MIPEP: variants seen among roughly 807,000 people sequenced by gnomAD.
MIPEP encodes the protein mitochondrial intermediate peptidase.
Under a neutral mutation model 90.3 loss-of-function variants are expected in MIPEP, and 79 were observed. That is an observed-to-expected ratio of 0.87 (90% CI 0.73 to 1.05). MIPEP has a LOEUF of 1.05. Ranked by LOEUF, MIPEP falls within the 50% of genes least tolerant of loss-of-function variation. The pLI is 0.00. For missense variants in MIPEP, 940 were observed against 905.6 expected (o/e 1.04, Z -0.49); for synonymous variants, 334 against 315.8 (o/e 1.06, Z -0.61).
In MIPEP at chr13:23,806,052, C is replaced by A. The variant is rs1489643117; in HGVS notation, c.1746G>T (p.Leu582=). 9 of 1,613,814 alleles carry A rather than the reference C, an allele frequency of 5.6e-6. No homozygotes were observed. The highest frequency in any genetic ancestry group is 6.8e-6 in the Non-Finnish European group (8 of 1,179,956). Residue 582 remains leucine (L), a synonymous_variant, in exon 16 of 19, where the codon CTG becomes CTT. Coordinates refer to ENST00000382172, the MANE Select transcript of MIPEP (RefSeq NM_005932.4). ...DMQLQVFYAT[L]DQIYHGKHPL... is the part of the protein sequence containing the mutation. ...GATGCTTCCCATGGTAGATTTGATCCAGAGTGGCATAAAAGACCTAGATAG... is the reference window on the plus strand; with the variant it reads ...GATGCTTCCCATGGTAGATTTGATCAAGAGTGGCATAAAAGACCTAGATAG...
intron 18 of MIPEP, among the ~76,000 whole-genome samples, chr13:23,732,851 T>A (rs548584605): frequency 6.6e-6 from 1 of 152,344 alleles, no homozygotes; most frequent in East Asian, 1.9e-4. Flanking sequence ...GTTATAAAGG[T>A]GTGTACATGC....
In MIPEP at chr13:23,760,232, G is replaced by A; in HGVS notation, c.1849-15C>T. 6.2e-7 allele frequency: 1 copy of A among 1,613,844 alleles called. No homozygotes were observed. The highest frequency in any genetic ancestry group is 8.5e-7 in the Non-Finnish European group (1 of 1,179,892). On this transcript the variant is annotated splice_polypyrimidine_tract_variant and intron_variant, in intron 16 of 18. Transcript: ENST00000382172. Reference sequence around the variant, plus strand: ...AGCTGCCAGGCCTGCCAAGAACAGAGAGACACAGCACGGGACACAAGTCAG... The same window carrying A: ...AGCTGCCAGGCCTGCCAAGAACAGAAAGACACAGCACGGGACACAAGTCAG...
In MIPEP at chr13:23,837,716, T is replaced by G; in HGVS notation, c.1379A>C (p.Asp460Ala). 1 of 1,614,122 alleles carries G rather than the reference T, an allele frequency of 6.2e-7. No homozygotes were observed. The highest frequency in any genetic ancestry group is 8.5e-7 in the Non-Finnish European group (1 of 1,179,918). The part of the protein sequence containing the change: ...FTIRGGRLKE[D>A]GDYQLPVVVL... ...TACAACTGGGAGTTGATAGTCTCCA[T>G]CTTCCTTTAGTCTGCCTCCACGGAT... The change falls in exon 13 of 19, where the codon GAT (aspartate) becomes GCT (alanine). Residue 460 changes from aspartate (D) to alanine (A), a missense_variant. Asp to Ala is a moderately radical substitution (Grantham distance 126). Coordinates refer to ENST00000382172, the MANE Select transcript of MIPEP (RefSeq NM_005932.4).
chr13:23,745,156 T>C (rs924514756), intron 18 of MIPEP, among the ~76,000 whole-genome samples: 1 of 152,198 alleles, frequency 6.6e-6, no homozygotes, highest in Non-Finnish European at 1.5e-5. Flanking sequence ...TATTCAGATA[T>C]TTGAGATGTG....
At chr13:23,782,830 C>A (rs1291133589) in intron 16 of MIPEP, among the ~76,000 whole-genome samples, 1 of 152,320 alleles carries the variant, frequency 6.6e-6, no homozygotes, top group East Asian at 1.9e-4. Context: ...ATAAACACCT[C>A]TACGCAAATA....
intron 18 of MIPEP, among the ~76,000 whole-genome samples, chr13:23,744,241 C>T (rs1202010012): frequency 6.6e-6 from 1 of 152,162 alleles, no homozygotes; most frequent in Non-Finnish European, 1.5e-5. Context: ...TACTAGTTAG[C>T]ATACTAGTTG....
At chr13:23,888,795 C>T in intron 1 of MIPEP, 3 of 1,057,686 alleles carry the variant, frequency 2.8e-6, no homozygotes, top group South Asian at 4.6e-5. Flanking sequence ...AGGGCTTTAG[C>T]AGGGGTGCGC....
intron 10 of MIPEP, among the ~76,000 whole-genome samples, chr13:23,848,423 A>T (rs1354908149): frequency 6.6e-6 from 1 of 151,746 alleles, no homozygotes; most frequent in Non-Finnish European, 1.5e-5. Context: ...GTAAACTTTC[A>T]TTAATCACCT....
At chr13:23,837,493 C>G (rs994650857) in intron 13 of MIPEP, 59 bp downstream of exon 13, 4 of 1,330,606 alleles carry the variant, frequency 3.0e-6, no homozygotes, top group African/African-American at 2.9e-5. Context: ...TTTCCCAATT[C>G]AAAGAAAATG....
chr13:23,835,779 T>A (rs1338260251), intron 14 of MIPEP, among the ~76,000 whole-genome samples: 1 of 152,220 alleles, frequency 6.6e-6, no homozygotes, highest in East Asian at 1.9e-4. Context: ...CTTTTCAGAC[T>A]AAACATCACA....
intron 15 of MIPEP, among the ~76,000 whole-genome samples, chr13:23,806,881 G>A (rs1953116791): frequency 6.6e-6 from 1 of 152,120 alleles, no homozygotes; most frequent in African/African-American, 2.4e-5. Context: ...GAAACGGTCA[G>A]AATTCTAGTT....
intron 18 of MIPEP, among the ~76,000 whole-genome samples, chr13:23,746,138 C>T (rs1456783942): frequency 2.7e-5 from 4 of 150,462 alleles, no homozygotes; most frequent in Non-Finnish European, 5.9e-5. Flanking sequence ...CCTCAGCCTC[C>T]CGAGTAGCTG....
intron 16 of MIPEP, among the ~76,000 whole-genome samples, chr13:23,802,725 T>C (rs539883869): frequency 1.3e-5 from 2 of 152,088 alleles, no homozygotes; most frequent in South Asian, 4.1e-4. Context: ...AACTCCACAG[T>C]GGTGTGAAAG....
At chr13:23,760,578 CAG>C (rs766490587) in intron 16 of MIPEP, 2 of 540,608 alleles carry the variant, frequency 3.7e-6, no homozygotes, top group African/African-American at 3.8e-5. Flanking sequence ...GGTGTGGGCA[CAG>C]AGGAAAGGCT....
chr13:23,833,993 G>A (rs766874255), intron 14 of MIPEP, among the ~76,000 whole-genome samples: 5 of 151,954 alleles, frequency 3.3e-5, no homozygotes, highest in South Asian at 2.1e-4. Flanking sequence ...CGGAACCCTC[G>A]GAAGCAGGAT....
chr13:23,878,004 T>C (rs1206062042), intron 4 of MIPEP, among the ~76,000 whole-genome samples: 1 of 152,244 alleles, frequency 6.6e-6, no homozygotes, highest in African/African-American at 2.4e-5. Flanking sequence ...AAATGTGGTA[T>C]GTATCCTATC....
chr13:23,821,266 T>C (rs2137428694), intron 14 of MIPEP, among the ~76,000 whole-genome samples: 1 of 152,338 alleles, frequency 6.6e-6, no homozygotes, highest in Non-Finnish European at 1.5e-5. Context: ...GGCAGACTAT[T>C]TTAAACATGG....
intron 14 of MIPEP, among the ~76,000 whole-genome samples, chr13:23,818,474 C>A (rs1030512296): frequency 1.4e-4 from 20 of 147,420 alleles, no homozygotes; most frequent in African/African-American, 4.1e-4. Context: ...ATAAACTTAA[C>A]AGAGTTAAAC....
At chr13:23,867,336 G>A (rs555323175) in intron 7 of MIPEP, among the ~76,000 whole-genome samples, 38 of 152,248 alleles carry the variant, frequency 2.5e-4, no homozygotes, top group Admixed American at 2.3e-3. Flanking sequence ...TAGTGACTCT[G>A]CGTGAAACCT....
Sources: allele counts gnomAD v4.1 joint callset (sites outside exome capture counted in the v4.1 genomes callset), GRCh38; gene constraint gnomAD v4.1.1; transcripts MANE v1.5; gene names NCBI Gene and HGNC (gene_info 2026-07-23, HGNC 2026-07-21).